NHS: variants seen among roughly 807,000 people sequenced by gnomAD.
The protein encoded by NHS is NHS actin remodeling regulator.
Under a neutral mutation model 72.5 loss-of-function variants are expected in NHS, and 5 were observed. The ratio of observed to expected loss-of-function variants is 0.07; its 90% confidence interval spans 0.04 to 0.14. NHS has a LOEUF of 0.14. NHS is among the 10% of genes least tolerant of loss of function. The pLI is 1.00. For synonymous variants in NHS, 464 were observed against 547.7 expected (o/e 0.85, Z 2.13); for missense variants, 1,072 against 1,355.7 (o/e 0.79, Z 3.29).
At chrX:17,503,729 G>T (rs996784089) in intron 1 of NHS, among the ~76,000 whole-genome samples, 5 of 111,841 alleles carry the variant, frequency 4.5e-5, no homozygotes, top group African/African-American at 1.6e-4. Context: ...TATCATGGGG[G>T]ACAGTGATAA....
intron 1 of NHS, among the ~76,000 whole-genome samples, chrX:17,531,800 G>T (rs1164039589): frequency 8.9e-6 from 1 of 112,645 alleles, no homozygotes; most frequent in Non-Finnish European, 1.9e-5. Flanking sequence ...CCTGCTTAGT[G>T]CCTCAGCATC....
intron 1 of NHS, among the ~76,000 whole-genome samples, chrX:17,538,513 G>C (rs1021412531): frequency 8.9e-6 from 1 of 111,743 alleles, no homozygotes; most frequent in Non-Finnish European, 1.9e-5. Context: ...TGCCTAGGAG[G>C]TGAGGAAGCT....
Position 17,727,390 on chromosome X carries a change from A to T in NHS, c.3284A>T (p.His1095Leu). ...ACCCATCTTGATCTAAGTGCTCTTC[A>T]TAATGTCTTGAACAAACCATTCCAC... ...PPTHLDLSAL[H>L]NVLNKPFHHR... The change falls in exon 7 of 9, where the codon CAT becomes CTT. Residue 1095 changes from histidine to leucine, a missense_variant. Transcript: ENST00000676302. 1 of 1,211,390 alleles carries T rather than the reference A, an allele frequency of 8.3e-7. No individual in the cohort carries two copies. The highest frequency in any genetic ancestry group is 1.1e-6 in the Non-Finnish European group (1 of 895,043).
At chrX:17,426,816 G>C (rs750081461) in intron 1 of NHS, among the ~76,000 whole-genome samples, 5 of 111,779 alleles carry the variant, frequency 4.5e-5, no homozygotes, top group Admixed American at 1.9e-4. Flanking sequence ...TCCATCTGGG[G>C]GTGTCAAAGC....
Position 17,523,661 on chromosome X carries a change from C to A in NHS, c.565+147339C>A, listed in dbSNP as rs189954471. ...ATAGGGCGGCATCCAGTAAATACCC[C>A]AAAAGCTCATCTTGGAACCTGTGAG... On this transcript the variant is annotated intron_variant, in intron 1 of 8. Coordinates refer to ENST00000676302, the MANE Select transcript of NHS (RefSeq NM_001291867.2). 1.1e-3 allele frequency among the ~76,000 whole-genome samples: 127 copies of A among 111,045 alleles called. 1 individual carries two copies. The highest frequency in any genetic ancestry group is 8.5e-4 in the Non-Finnish European group (45 of 52,969).
intron 1 of NHS, among the ~76,000 whole-genome samples, chrX:17,641,042 G>T (rs6633005): frequency 8.9e-6 from 1 of 112,538 alleles, no homozygotes; most frequent in East Asian, 2.8e-4. Flanking sequence ...GAGTTGATCT[G>T]TTGCTTCTTT....
intron 1 of NHS, among the ~76,000 whole-genome samples, chrX:17,634,118 C>A (rs1164594380): frequency 8.9e-6 from 1 of 112,063 alleles, no homozygotes. Flanking sequence ...CCATGCCAGC[C>A]ACTGATGCCA....
At chrX:17,450,613 C>T (rs1231105066) in intron 1 of NHS, among the ~76,000 whole-genome samples, 4 of 112,131 alleles carry the variant, frequency 3.6e-5, no homozygotes, top group African/African-American at 1.3e-4. Flanking sequence ...TGGTGGCTCA[C>T]GCCTGTAATA....
intron 1 of NHS, among the ~76,000 whole-genome samples, chrX:17,381,831 A>T (rs761577265): frequency 6.2e-5 from 7 of 112,425 alleles, no homozygotes; most frequent in Admixed American, 2.8e-4. Context: ...AAAGGGGATG[A>T]TTTGTTTGGC....
At chrX:17,571,316 G>A (rs1380331914) in intron 1 of NHS, among the ~76,000 whole-genome samples, 1 of 112,182 alleles carries the variant, frequency 8.9e-6, no homozygotes, top group African/African-American at 3.2e-5. Flanking sequence ...GTTTTGATTG[G>A]TAGGCTAGTA....
rs1036618487 is a variant in NHS, at chrX:17,440,258, TAAAAAAAAA to T, written c.565+63955_565+63963del. On this transcript the variant is annotated intron_variant, in intron 1 of 8. Transcript: ENST00000676302. ...TAGGCAACCAAGCAAGACTCAGTCTTAAAAAAAAAAAAAAAAAAAAAAAAAAAGGAAACC... is the reference window on the plus strand; with the variant it reads ...TAGGCAACCAAGCAAGACTCAGTCTTAAAAAAAAAAAAAAAAAAGGAAACC... Among the ~76,000 whole-genome samples, 5 of 37,289 alleles carry T rather than the reference TAAAAAAAAA, an allele frequency of 1.3e-4. No homozygotes were observed. The South Asian group carries it at 5.8e-3, about 43-fold the overall frequency. 32.4% of individuals were successfully genotyped at this position (37,289 alleles called of 115,157 possible). A position where few individuals can be genotyped will look rare whatever the true frequency, so the allele number is the denominator to read the frequency against.
intron 3 of NHS, among the ~76,000 whole-genome samples, chrX:17,703,159 A>G (rs2066276366): frequency 9.0e-6 from 1 of 111,103 alleles, no homozygotes; most frequent in Non-Finnish European, 1.9e-5. Context: ...ATAGTCAGGC[A>G]TAGTGGCGCA....
At chrX:17,543,711 G>A (rs1222137846) in intron 1 of NHS, among the ~76,000 whole-genome samples, 1 of 111,780 alleles carries the variant, frequency 8.9e-6, no homozygotes, top group East Asian at 2.8e-4. Context: ...CAAAATAAGA[G>A]GCTAGATGGC....
At chrX:17,702,921 T>C (rs189531569) in intron 3 of NHS, among the ~76,000 whole-genome samples, 5 of 110,494 alleles carry the variant, frequency 4.5e-5, no homozygotes, top group African/African-American at 1.6e-4. Flanking sequence ...CTCCCCTGCT[T>C]CCCACCCCTT....
At chrX:17,652,401 T>A (rs115776251) in intron 1 of NHS, among the ~76,000 whole-genome samples, 6,819 of 112,277 alleles carry the variant, frequency 0.061, 494 homozygotes, top group African/African-American at 0.21. Context: ...CAGAATACTA[T>A]TCAACCATAA....
chrX:17,534,706 C>T (rs925876866), intron 1 of NHS, among the ~76,000 whole-genome samples: 8 of 112,000 alleles, frequency 7.1e-5, no homozygotes, highest in Non-Finnish European at 1.1e-4. Flanking sequence ...ACAATTTCCA[C>T]AGGCCCTGGT....
chrX:17,615,161 CTAT>C (rs1159365381), intron 1 of NHS, among the ~76,000 whole-genome samples: 2 of 39,250 alleles, frequency 5.1e-5, no homozygotes, highest in Admixed American at 4.5e-4. Context: ...TGTATATATA[CTAT>C]ATATATACGT....
intron 1 of NHS, among the ~76,000 whole-genome samples, chrX:17,581,426 G>T (rs2065543117): frequency 9.0e-6 from 1 of 111,398 alleles, no homozygotes; most frequent in African/African-American, 3.3e-5. Flanking sequence ...AAAGAATCCA[G>T]CTGAGAAGAC....
intron 1 of NHS, among the ~76,000 whole-genome samples, chrX:17,403,277 G>A (rs1235965465): frequency 8.9e-6 from 1 of 112,110 alleles, no homozygotes. Context: ...CTAACTGCAG[G>A]AGAGATTGGC....
Sources: allele counts gnomAD v4.1 joint callset (sites outside exome capture counted in the v4.1 genomes callset), GRCh38; gene constraint gnomAD v4.1.1; transcripts MANE v1.5; gene names NCBI Gene and HGNC (gene_info 2026-07-23, HGNC 2026-07-21).